MSH3: variants seen among roughly 807,000 people sequenced by gnomAD.
The protein encoded by MSH3 is DNA mismatch repair protein Msh3.
A neutral mutation model predicts 123.3 loss-of-function variants in MSH3; 106 were observed. That is an observed-to-expected ratio of 0.86 (90% CI 0.73 to 1.01). The LOEUF (loss-of-function observed/expected upper bound fraction) is 1.01, where lower values mean the gene tolerates loss of function less well. MSH3 is among the 50% of genes least tolerant of loss of function. The probability of loss-of-function intolerance (pLI) is 0.00; values close to 1 mark genes in which losing one functional copy is unlikely to be tolerated. For synonymous variants in MSH3, 515 were observed against 481.4 expected, an observed-to-expected ratio of 1.07 and a Z score of -0.91; for missense variants, 1,459 against 1,347.6, an observed-to-expected ratio of 1.08 and a Z score of -1.29.
chr5:80,833,072 T>C (rs1202254431), intron 20 of MSH3, among the ~76,000 whole-genome samples: 1 of 152,156 alleles, frequency 6.6e-6, no homozygotes, highest in Non-Finnish European at 1.5e-5. Context: ...CCCAAAAAAG[T>C]ACTAATTTCT....
Position 80,680,569 on chromosome 5 carries a change from T to G in MSH3, c.1340+1476T>G, listed in dbSNP as rs6883090. Reference sequence around the variant, plus strand: ...CTGCTGCAAAATCACTTTTCTATTCTGTGGTTTTTTTTTTTTTAACTTTAC... The same window carrying G: ...CTGCTGCAAAATCACTTTTCTATTCGGTGGTTTTTTTTTTTTTAACTTTAC... On this transcript the variant is annotated intron_variant, in intron 8 of 23. Transcript: ENST00000265081. Among the ~76,000 whole-genome samples, 317 of 150,892 alleles carry G rather than the reference T, an allele frequency of 2.1e-3. 2 individuals carry two copies. Among genetic ancestry groups the G allele is most frequent in the African/African-American group, 5.6e-3 (232 of 41,254 alleles).
At chr5:80,751,649 A>G (rs1474937596) in intron 12 of MSH3, among the ~76,000 whole-genome samples, 4 of 152,104 alleles carry the variant, frequency 2.6e-5, no homozygotes, top group Admixed American at 2.0e-4. Context: ...GTCCCTTCAC[A>G]CAGTGTTTTT....
chr5:80,769,994 GATATT>G (rs1198271551), intron 15 of MSH3, among the ~76,000 whole-genome samples: 1 of 151,976 alleles, frequency 6.6e-6, no homozygotes, highest in Non-Finnish European at 1.5e-5. Context: ...AAATTATTAA[GATATT>G]ATACTCAGCA....
chr5:80,839,540 T>C (rs1449856042), intron 20 of MSH3, among the ~76,000 whole-genome samples: 1 of 152,192 alleles, frequency 6.6e-6, no homozygotes, highest in Non-Finnish European at 1.5e-5. Flanking sequence ...TGTATTTTAA[T>C]CCACTGGAAT....
In MSH3 at chr5:80,676,858, C is replaced by T. The variant is rs147443270; in HGVS notation, c.1173+1730C>T. ...CAGAGTTGATAGTATATAATTCCTA[C>T]TTAGTGCATTTAGAAATACCATCTG... On this transcript the variant is annotated intron_variant, in intron 7 of 23. Coordinates refer to ENST00000265081, the MANE Select transcript of MSH3 (RefSeq NM_002439.5). Among the ~76,000 whole-genome samples the T allele has an allele frequency of 1.2e-4, 19 of 152,308 alleles. No individual in the cohort carries two copies. In the East Asian group the frequency reaches 3.1e-3, roughly 25 times the overall value.
At chr5:80,837,632 A>T (rs1180544589) in intron 20 of MSH3, among the ~76,000 whole-genome samples, 1 of 152,224 alleles carries the variant, frequency 6.6e-6, no homozygotes, top group Non-Finnish European at 1.5e-5. Flanking sequence ...AGGGGCAAGG[A>T]AAATGAAAGA....
intron 10 of MSH3, among the ~76,000 whole-genome samples, chr5:80,736,737 T>C (rs1342355331): frequency 6.6e-6 from 1 of 152,170 alleles, no homozygotes; most frequent in Non-Finnish European, 1.5e-5. Context: ...CCATGGGTGC[T>C]GAGTCTCTAA....
intron 19 of MSH3, among the ~76,000 whole-genome samples, chr5:80,807,430 A>T (rs943364093): frequency 4.6e-5 from 7 of 152,182 alleles, no homozygotes. Flanking sequence ...AACAAATAAG[A>T]TTATTGGATA....
chr5:80,850,665 C>A (rs1745815345), intron 20 of MSH3, among the ~76,000 whole-genome samples: 1 of 152,208 alleles, frequency 6.6e-6, no homozygotes, highest in African/African-American at 2.4e-5. Context: ...ATTCAGTCAT[C>A]TCTCACCAGG....
chr5:80,793,434 C>T (rs565649761), intron 19 of MSH3, among the ~76,000 whole-genome samples: 6 of 152,272 alleles, frequency 3.9e-5, no homozygotes, highest in African/African-American at 1.4e-4. Flanking sequence ...AGAAGATAGG[C>T]TAGTGCAATA....
At chr5:80,709,008 C>G (rs1236385216) in intron 8 of MSH3, among the ~76,000 whole-genome samples, 2 of 152,146 alleles carry the variant, frequency 1.3e-5, no homozygotes, top group Non-Finnish European at 2.9e-5. Context: ...CTCCTGACTT[C>G]AACTGATCTA....
chr5:80,709,206 G>GAT (rs1043121045), intron 8 of MSH3, among the ~76,000 whole-genome samples: 1 of 121,184 alleles, frequency 8.3e-6, no homozygotes, highest in South Asian at 2.8e-4. Context: ...ATATAAAATA[G>GAT]ATATGTGTGT....
chr5:80,870,093 A>G (rs1561505537), intron 22 of MSH3, among the ~76,000 whole-genome samples: 1 of 149,506 alleles, frequency 6.7e-6, no homozygotes, highest in East Asian at 2.0e-4. Flanking sequence ...AGAATCACTT[A>G]AACCCGGGAG....
chr5:80,787,589 C>T lies in MSH3; in HGVS notation c.2460C>T (p.Ser820=). ...GGAAATTCAGTGAACATTATCACTC[C>T]TTGTGTAAAGCAGTGCATCACCTAG... ...FLEKFSEHYH[S]LCKAVHHLAT... Residue 820 remains serine, a synonymous_variant, in exon 18 of 24, where the codon TCC becomes TCT. Transcript: ENST00000265081. 1.2e-6 allele frequency: 2 copies of T among 1,613,720 alleles called. No homozygotes were observed. The highest frequency in any genetic ancestry group is 2.2e-5 in the South Asian group (2 of 91,080).
chr5:80,818,935 C>G (rs1330520553), intron 20 of MSH3, among the ~76,000 whole-genome samples: 1 of 152,150 alleles, frequency 6.6e-6, no homozygotes, highest in Non-Finnish European at 1.5e-5. Flanking sequence ...GAGATAAGAT[C>G]CCTCGTGTAG....
chr5:80,682,353 G>A (rs752657343), intron 8 of MSH3, among the ~76,000 whole-genome samples: 1 of 152,016 alleles, frequency 6.6e-6, no homozygotes, highest in Non-Finnish European at 1.5e-5. Flanking sequence ...AGTTAATATA[G>A]GTAAAGCGCC....
chr5:80,666,666 A>G (rs959207217), intron 3 of MSH3, among the ~76,000 whole-genome samples: 1 of 152,204 alleles, frequency 6.6e-6, no homozygotes, highest in African/African-American at 2.4e-5. Context: ...TGGCATGTCC[A>G]CATCACAGGA....
chr5:80,743,504 GTACTCTGGAAGTAGC>G (rs1743654571), intron 11 of MSH3, among the ~76,000 whole-genome samples: 2 of 152,098 alleles, frequency 1.3e-5, no homozygotes, highest in Non-Finnish European at 2.9e-5. Context: ...CACATAGGAG[GTACTCTGGAAGTAGC>G]TACTTACAGA....
At chr5:80,744,421 G>A (rs1743676450) in intron 11 of MSH3, 85 bp from the exon 12 acceptor site, 1 of 934,326 alleles carries the variant, frequency 1.1e-6, no homozygotes, top group Non-Finnish European at 1.7e-6. Flanking sequence ...AGGTATATAT[G>A]ACATTTAGAA....
Sources: gnomAD v4.1 joint callset for allele counts (sites outside exome capture counted in the v4.1 genomes callset) on GRCh38, gnomAD v4.1.1 for gene constraint, MANE v1.5 for transcripts, NCBI Gene and HGNC (gene_info 2026-07-23, HGNC 2026-07-21) for gene names.